The following PHACTR4 variants were observed in gnomAD, a reference collection of about 807,000 sequenced individuals.
PHACTR4 encodes the protein protein phosphatase 1, regulatory subunit 124.
Under a neutral mutation model 72.7 loss-of-function variants are expected in PHACTR4, and 51 were observed. That is an observed-to-expected ratio of 0.70 (90% CI 0.56 to 0.89). The LOEUF (loss-of-function observed/expected upper bound fraction) is 0.89, where lower values mean the gene tolerates loss of function less well. PHACTR4 is among the 40% of genes least tolerant of loss of function. The pLI is 0.00. For missense variants in PHACTR4, 731 were observed against 861.8 expected, an observed-to-expected ratio of 0.85 and a Z score of 1.90; for synonymous variants, 255 against 302.5, an observed-to-expected ratio of 0.84 and a Z score of 1.63.
chr1:28,479,584 GAA>G (rs1170640129), intron 8 of PHACTR4, among the ~76,000 whole-genome samples: 271 of 84,596 alleles, frequency 3.2e-3, no homozygotes, highest in African/African-American at 9.8e-3. Context: ...CTCCGCCTCA[GAA>G]AAAAAAAAAA....
chr1:28,454,400 C>T (rs1356380035), intron 2 of PHACTR4, among the ~76,000 whole-genome samples: 1 of 151,446 alleles, frequency 6.6e-6, no homozygotes, highest in African/African-American at 2.4e-5. Context: ...CCTCAGCCTC[C>T]CTAGTAGCTG....
intron 1 of PHACTR4, among the ~76,000 whole-genome samples, chr1:28,401,040 C>G (rs1653907655): frequency 6.6e-6 from 1 of 152,138 alleles, no homozygotes; most frequent in Non-Finnish European, 1.5e-5. Context: ...GGTGAGCCAA[C>G]TGTTCAGAAC....
Position 28,489,167 on chromosome 1 carries a change from T to C in PHACTR4, c.1761-3T>C, listed in dbSNP as rs1482632829. 1 of 1,611,056 alleles carries C rather than the reference T, an allele frequency of 6.2e-7. No individual in the cohort carries two copies. The highest frequency in any genetic ancestry group is 8.5e-7 in the Non-Finnish European group (1 of 1,178,312). On this transcript the variant is annotated splice_region_variant and splice_polypyrimidine_tract_variant and intron_variant, in intron 9 of 13. Transcript: ENST00000373839. Reference sequence around the variant, plus strand: ...ACATTACCTTTATTTATCTCATTTTTAGGCGACTGAGTCAAAGACCAACAC... The same window carrying C: ...ACATTACCTTTATTTATCTCATTTTCAGGCGACTGAGTCAAAGACCAACAC...
chr1:28,408,653 TG>T (rs1165447752), intron 2 of PHACTR4, among the ~76,000 whole-genome samples: 4 of 151,122 alleles, frequency 2.6e-5, no homozygotes, highest in Non-Finnish European at 4.4e-5. Flanking sequence ...TATGTGTGTG[TG>T]TGTATATATA....
intron 2 of PHACTR4, among the ~76,000 whole-genome samples, chr1:28,419,412 CAT>C (rs746876748): frequency 2.0e-5 from 3 of 151,710 alleles, no homozygotes; most frequent in Non-Finnish European, 4.4e-5. Context: ...TACACACACA[CAT>C]ATAAAGTGTA....
At chr1:28,407,544 G>T (rs952155217) in intron 2 of PHACTR4, 81 bp downstream of exon 2, 284 of 1,325,962 alleles carry the variant, frequency 2.1e-4, no homozygotes, top group East Asian at 2.8e-4. Context: ...GAGTAAATTG[G>T]TTTTTTTTCA....
At chr1:28,387,954 C>G (rs931105272) in intron 1 of PHACTR4, among the ~76,000 whole-genome samples, 5 of 152,178 alleles carry the variant, frequency 3.3e-5, no homozygotes, top group Middle Eastern at 3.4e-3. Flanking sequence ...TCTCGAGCTC[C>G]TAACCTCAGG....
chr1:28,483,201 C>A (rs929211590), intron 9 of PHACTR4, among the ~76,000 whole-genome samples: 1 of 151,120 alleles, frequency 6.6e-6, no homozygotes, highest in Admixed American at 6.6e-5. Flanking sequence ...CCCAGGAGTT[C>A]GAGGCAACAT....
At chr1:28,406,962 T>C (rs1213693699) in intron 1 of PHACTR4, among the ~76,000 whole-genome samples, 3 of 152,184 alleles carry the variant, frequency 2.0e-5, no homozygotes, top group African/African-American at 7.2e-5. Flanking sequence ...TGTTGTATTT[T>C]TCTTACAAAA....
At chr1:28,451,704 C>T (rs1224466858) in intron 2 of PHACTR4, among the ~76,000 whole-genome samples, 2 of 152,046 alleles carry the variant, frequency 1.3e-5, no homozygotes, top group Non-Finnish European at 2.9e-5. Context: ...AGTGCAGTGG[C>T]ACAATCACAG....
At position 28,473,829 on chromosome 1, in the gene PHACTR4, C is replaced by T; in HGVS notation, c.1099C>T (p.Gln367Ter). Residue 367 changes from glutamine to a stop codon, truncating the protein, a stop_gained, in exon 7 of 14, where the codon CAA becomes TAA. Transcript: ENST00000373839. LOFTEE classifies it high-confidence loss of function. ...CCCTCCATTCCCTGCTAAGACTTTT[C>T]AAGTTGTGCCAGAAATTGAGTTTCC... ...RTPPFPAKTF[Q>*]VVPEIEFPPS... is the part of the protein sequence containing the mutation. 6.2e-7 allele frequency: 1 copy of T among 1,614,092 alleles called. No individual in the cohort carries two copies. Among genetic ancestry groups the T allele is most frequent in the South Asian group, 1.1e-5 (1 of 91,074 alleles).
chr1:28,489,812 GA>G (rs1183366410), intron 10 of PHACTR4: 1 of 518,970 alleles, frequency 1.9e-6, no homozygotes, highest in East Asian at 5.4e-5. Context: ...TCTCCTCACT[GA>G]GAAGGTTTGG....
At chr1:28,461,690 C>CTT (rs149742762) in intron 4 of PHACTR4, among the ~76,000 whole-genome samples, 17 of 150,542 alleles carry the variant, frequency 1.1e-4, no homozygotes, top group African/African-American at 3.2e-4. Flanking sequence ...CATGGGTGGG[C>CTT]TTTTTTTTTG....
At position 28,472,996 on chromosome 1, in the gene PHACTR4, C is replaced by A. The variant is rs572691800; in HGVS notation, c.824-558C>A. Among the ~76,000 whole-genome samples, 5 of 150,228 alleles carry A rather than the reference C, an allele frequency of 3.3e-5. No homozygotes were observed. The South Asian group carries it at 1.1e-3, about 32-fold the overall frequency. On this transcript the variant is annotated intron_variant, in intron 6 of 13. Transcript: ENST00000373839. ...GATCAAGTTACAAAAAGTTGTCAGC[C>A]GGGTGCCATGGCTCACGCCTGTAAT...
chr1:28,494,601 G>A (rs369888429), intron 13 of PHACTR4, among the ~76,000 whole-genome samples: 3 of 152,332 alleles, frequency 2.0e-5, no homozygotes, highest in African/African-American at 7.2e-5. Flanking sequence ...GCAGTGAGCC[G>A]AGATCGCGCA....
chr1:28,388,695 C>G (rs1652767334), intron 1 of PHACTR4, among the ~76,000 whole-genome samples: 1 of 152,050 alleles, frequency 6.6e-6, no homozygotes, highest in African/African-American at 2.4e-5. Context: ...ACTAAAAATA[C>G]AAAAATTAGC....
chr1:28,403,854 C>T (rs1261808048), intron 1 of PHACTR4, among the ~76,000 whole-genome samples: 1 of 152,076 alleles, frequency 6.6e-6, no homozygotes, highest in East Asian at 1.9e-4. Context: ...TTGTGATTAG[C>T]CTTTCATTTA....
chr1:28,387,809 C>T (rs1652680308), intron 1 of PHACTR4, among the ~76,000 whole-genome samples: 1 of 152,052 alleles, frequency 6.6e-6, no homozygotes, highest in African/African-American at 2.4e-5. Flanking sequence ...CCCACTGCAG[C>T]CTCTGCCTCC....
At chr1:28,402,890 C>G (rs1569839893) in intron 1 of PHACTR4, among the ~76,000 whole-genome samples, 1 of 152,252 alleles carries the variant, frequency 6.6e-6, no homozygotes, top group South Asian at 2.1e-4. Flanking sequence ...ATTATAACAA[C>G]ATCAATCAAA....
Sources: allele counts gnomAD v4.1 joint callset (sites outside exome capture counted in the v4.1 genomes callset), GRCh38; gene constraint gnomAD v4.1.1; transcripts MANE v1.5; gene names NCBI Gene and HGNC (gene_info 2026-07-23, HGNC 2026-07-21).